Variants in CBL observed in about 807,000 individuals in gnomAD.
CBL encodes E3 ubiquitin-protein ligase CBL.
A neutral mutation model predicts 96.9 loss-of-function variants in CBL; 45 were observed. The observed-to-expected ratio is 0.46, with a 90% CI of 0.37 to 0.60. The LOEUF (loss-of-function observed/expected upper bound fraction) is 0.60, where lower values mean the gene tolerates loss of function less well. Among genes scored for constraint, CBL ranks in the 20% least tolerant of loss-of-function variants. The pLI is 0.00. For missense variants in CBL, 1,024 were observed against 1,143.5 expected, an observed-to-expected ratio of 0.90 and a Z score of 1.51; for synonymous variants, 420 against 426.8, an observed-to-expected ratio of 0.98 and a Z score of 0.20.
Position 119,299,667 on chromosome 11 carries a change from C to T in CBL, c.2607C>T (p.Tyr869=). The part of the protein sequence containing the change: ...SEIENLMSQG[Y]SYQDIQKALV... Reference sequence around the variant, plus strand: ...TCGAGAACCTCATGAGTCAGGGGTACTCCTACCAGGACATCCAGAAAGCTT... The same window carrying T: ...TCGAGAACCTCATGAGTCAGGGGTATTCCTACCAGGACATCCAGAAAGCTT... The change falls in exon 16 of 16, where the codon TAC becomes TAT. Residue 869 remains tyrosine (Y), a synonymous_variant. Coordinates refer to ENST00000264033, the MANE Select transcript of CBL (RefSeq NM_005188.4). The T allele has an allele frequency of 6.2e-7, 1 of 1,614,196 alleles. No individual in the cohort carries two copies. The highest frequency in any genetic ancestry group is 2.2e-5 in the East Asian group (1 of 44,892).
chr11:119,302,727 A>G lies in CBL; in HGVS notation c.*2946A>G, dbSNP rs976074457. On this transcript the variant is annotated 3_prime_UTR_variant, in exon 16 of 16. Coordinates refer to ENST00000264033, the MANE Select transcript of CBL (RefSeq NM_005188.4). ...TTCCACTAAAGTAGAGGGTTCTTAA[A>G]ATGGAAAAACCTGTGGGCTCTTCAT... 4 of 230,938 alleles carry G rather than the reference A, an allele frequency of 1.7e-5. No homozygotes were observed. The East Asian group carries it at 2.5e-4, about 14-fold the overall frequency. The allele number at this position is 230,938 out of a possible 1,614,324, so 14.3% of individuals were successfully genotyped here. A position where few individuals can be genotyped will look rare whatever the true frequency, so the allele number is the denominator to read the frequency against.
chr11:119,264,406 C>CTCTTCTCTTCTCTTCTCTTCTCTTT, intron 2 of CBL, among the ~76,000 whole-genome samples: 1 of 119,910 alleles, frequency 8.3e-6, no homozygotes, highest in Non-Finnish European at 1.7e-5. Flanking sequence ...CTCTTCTCTT[C>CTCTTCTCTTCTCTTCTCTTCTCTTT]TCTTCTCTTC....
chr11:119,216,627 C>T (rs975225133), intron 1 of CBL, among the ~76,000 whole-genome samples: 2 of 152,132 alleles, frequency 1.3e-5, no homozygotes, highest in African/African-American at 4.8e-5. Context: ...GCCTCGGCCT[C>T]CCAAAGTGCT....
chr11:119,229,295 A>G (rs1237432429), intron 1 of CBL, among the ~76,000 whole-genome samples: 1 of 152,236 alleles, frequency 6.6e-6, no homozygotes, highest in Non-Finnish European at 1.5e-5. Context: ...TGTTGTACTT[A>G]GAATATAGTT....
At chr11:119,241,553 C>CTCCATATTATCA (rs1177501976) in intron 2 of CBL, among the ~76,000 whole-genome samples, 1 of 152,158 alleles carries the variant, frequency 6.6e-6, no homozygotes, top group East Asian at 1.9e-4. Flanking sequence ...AAAGCATAAC[C>CTCCATATTATCA]TCCATATTAT....
chr11:119,227,763 T>C (rs1210069979), intron 1 of CBL, among the ~76,000 whole-genome samples: 7 of 152,200 alleles, frequency 4.6e-5, no homozygotes, highest in Admixed American at 3.3e-4. Flanking sequence ...TTGGTCAGGC[T>C]GGTGTCGAAC....
intron 9 of CBL, among the ~76,000 whole-genome samples, chr11:119,284,086 T>G (rs1264271610): frequency 6.6e-6 from 1 of 152,116 alleles, no homozygotes; most frequent in Non-Finnish European, 1.5e-5. Flanking sequence ...ACAAGGCTGG[T>G]CTTGAACTCC....
chr11:119,279,589 C>T (rs1296470586), intron 9 of CBL, among the ~76,000 whole-genome samples: 1 of 151,910 alleles, frequency 6.6e-6, no homozygotes, highest in Non-Finnish European at 1.5e-5. Context: ...GAATTCAAGG[C>T]GGGAGTGAGT....
At chr11:119,233,284 T>C (rs1183740717) in intron 2 of CBL, among the ~76,000 whole-genome samples, 2 of 152,182 alleles carry the variant, frequency 1.3e-5, no homozygotes, top group Non-Finnish European at 2.9e-5. Flanking sequence ...AGAGTCTGGC[T>C]CTGTCGCCCA....
chr11:119,260,209 T>A lies in CBL; in HGVS notation c.444-11526T>A, dbSNP rs997047294. Among the ~76,000 whole-genome samples the A allele has an allele frequency of 2.0e-5, 3 of 151,938 alleles. No individual in the cohort carries two copies. The South Asian group carries it at 6.2e-4, about 32-fold the overall frequency. ...GTAGTGATGATGAGCATGGATTGAT[T>A]ATTGGCTTAGCTTCTTTTTTTTTTT... is the stretch of plus-strand genomic sequence containing the variant. On this transcript the variant is annotated intron_variant, in intron 2 of 15. Coordinates refer to ENST00000264033, the MANE Select transcript of CBL (RefSeq NM_005188.4).
At chr11:119,236,134 A>G (rs527669748) in intron 2 of CBL, among the ~76,000 whole-genome samples, 9 of 152,220 alleles carry the variant, frequency 5.9e-5, no homozygotes, top group African/African-American at 2.2e-4. Flanking sequence ...TGTATTCGCA[A>G]AGTCAGGCAA....
intron 9 of CBL, among the ~76,000 whole-genome samples, chr11:119,280,283 G>C (rs1307817387): frequency 6.6e-6 from 1 of 152,188 alleles, no homozygotes; most frequent in Non-Finnish European, 1.5e-5. Context: ...TAACAGAGGG[G>C]CTTATGGGAA....
chr11:119,264,460 CTCTTT>C (rs967226153), intron 2 of CBL, among the ~76,000 whole-genome samples: 6 of 140,104 alleles, frequency 4.3e-5, no homozygotes, highest in Non-Finnish European at 9.2e-5. Flanking sequence ...CTCTTCTCTT[CTCTTT>C]TCTTCTTTTC....
chr11:119,245,341 C>T (rs921837303), intron 2 of CBL, among the ~76,000 whole-genome samples: 4 of 152,024 alleles, frequency 2.6e-5, no homozygotes, highest in Admixed American at 2.0e-4. Context: ...TCAACATTTA[C>T]CATATTTGAT....
rs568334752 is a variant in CBL, at chr11:119,285,693, C to T, written c.1941+127C>T. The T allele has an allele frequency of 2.5e-4, 263 of 1,046,762 alleles. 2 individuals are homozygous for T. Among genetic ancestry groups the T allele is most frequent in the African/African-American group, 1.1e-3 (70 of 63,750 alleles). 64.8% of individuals were successfully genotyped at this position (1,046,762 alleles called of 1,614,324 possible). A position where few individuals can be genotyped will look rare whatever the true frequency, so the allele number is the denominator to read the frequency against. On this transcript the variant is annotated intron_variant, in intron 11 of 15. Transcript: ENST00000264033. ...GGTGGATCGCTTGAGCCGAGGATTT[C>T]GAGACCAGCCTGGGGGACGTAGTGA...
chr11:119,259,924 C>G (rs148872069), intron 2 of CBL, among the ~76,000 whole-genome samples: 7 of 152,194 alleles, frequency 4.6e-5, no homozygotes, highest in Non-Finnish European at 5.9e-5. Context: ...CCTCCACACT[C>G]TTCTCAAAGG....
intron 2 of CBL, 149 bp downstream of exon 2, chr11:119,232,844 T>G: frequency 3.7e-6 from 3 of 805,224 alleles, no homozygotes; most frequent in Non-Finnish European, 6.1e-6. Flanking sequence ...TATAAAAGGT[T>G]GCCATGGATG....
intron 1 of CBL, among the ~76,000 whole-genome samples, chr11:119,225,094 A>G (rs929048425): frequency 8.7e-5 from 13 of 148,912 alleles, no homozygotes; most frequent in African/African-American, 3.0e-4. Flanking sequence ...GTATGTATGC[A>G]TGTATTTATT....
intron 2 of CBL, among the ~76,000 whole-genome samples, chr11:119,260,935 T>G (rs2135287481): frequency 7.1e-6 from 1 of 141,308 alleles, no homozygotes; most frequent in Non-Finnish European, 1.5e-5. Flanking sequence ...CAGTTAAATC[T>G]CTACTTTTTT....
Sources: allele counts gnomAD v4.1 joint callset (sites outside exome capture counted in the v4.1 genomes callset), GRCh38; gene constraint gnomAD v4.1.1; transcripts MANE v1.5; gene names NCBI Gene and HGNC (gene_info 2026-07-23, HGNC 2026-07-21).